The following ASIC2 variants were observed in gnomAD, a reference collection of about 807,000 sequenced individuals.
The protein encoded by ASIC2 is acid sensing ion channel subunit 2.
Under a neutral mutation model 57.3 loss-of-function variants are expected in ASIC2, and 25 were observed. The observed-to-expected ratio is 0.44, with a 90% CI of 0.32 to 0.61. The LOEUF is 0.61. ASIC2 is among the 20% of genes least tolerant of loss of function. ASIC2 has a pLI of 0.06. For synonymous variants in ASIC2, 319 were observed against 307.5 expected, an observed-to-expected ratio of 1.04 and a Z score of -0.39; for missense variants, 641 against 738.1, an observed-to-expected ratio of 0.87 and a Z score of 1.52.
intron 1 of ASIC2, among the ~76,000 whole-genome samples, chr17:34,100,511 C>T (rs73986861): frequency 0.017 from 2,622 of 152,206 alleles, 73 homozygotes; most frequent in African/African-American, 0.061. Flanking sequence ...TTATCCAGAG[C>T]AATTATCTTC....
At chr17:33,053,367 T>G (rs934663961) in intron 3 of ASIC2, among the ~76,000 whole-genome samples, 1 of 152,232 alleles carries the variant, frequency 6.6e-6, no homozygotes, top group Non-Finnish European at 1.5e-5. Flanking sequence ...GGATTCTTAA[T>G]TTTTAGACCT....
chr17:33,974,468 G>A (rs1289768718), intron 1 of ASIC2, among the ~76,000 whole-genome samples: 13 of 152,180 alleles, frequency 8.5e-5, no homozygotes, highest in East Asian at 7.7e-4. Context: ...TCCATCTGGC[G>A]GCATGCAGTC....
At chr17:33,441,920 A>G (rs1414885488) in intron 1 of ASIC2, among the ~76,000 whole-genome samples, 1 of 152,144 alleles carries the variant, frequency 6.6e-6, no homozygotes. Flanking sequence ...ATCTGTCCTT[A>G]TTTTGGGTGA....
intron 1 of ASIC2, among the ~76,000 whole-genome samples, chr17:33,432,247 G>A (rs755260634): frequency 6.6e-6 from 1 of 152,198 alleles, no homozygotes; most frequent in South Asian, 2.1e-4. Context: ...CAGGTGTGGC[G>A]GCTCATGCCC....
intron 1 of ASIC2, among the ~76,000 whole-genome samples, chr17:33,161,925 A>G (rs1169028035): frequency 7.7e-6 from 1 of 129,784 alleles, no homozygotes; most frequent in Non-Finnish European, 1.5e-5. Context: ...ACACTGCTTC[A>G]CCAGGGGAGA....
intron 2 of ASIC2, among the ~76,000 whole-genome samples, chr17:33,099,546 A>G (rs77277177): frequency 0.014 from 2,064 of 152,332 alleles, 9 homozygotes; most frequent in Non-Finnish European, 0.019. Context: ...CAAAATATGT[A>G]TTTGTGAAAG....
At chr17:33,786,519 T>C (rs914350240) in intron 1 of ASIC2, among the ~76,000 whole-genome samples, 2 of 152,236 alleles carry the variant, frequency 1.3e-5, no homozygotes, top group Non-Finnish European at 2.9e-5. Context: ...ACATTTTTAA[T>C]ACCCACCTAA....
intron 2 of ASIC2, among the ~76,000 whole-genome samples, chr17:33,090,659 C>A (rs1349721540): frequency 6.6e-6 from 1 of 151,936 alleles, no homozygotes; most frequent in Non-Finnish European, 1.5e-5. Context: ...GGTTTGGGGA[C>A]AAACTAAAGC....
chr17:33,563,693 G>T (rs1916145360), intron 1 of ASIC2, among the ~76,000 whole-genome samples: 1 of 152,184 alleles, frequency 6.6e-6, no homozygotes, highest in Non-Finnish European at 1.5e-5. Context: ...TAAAGAACCA[G>T]TGAGGGGCCA....
intron 1 of ASIC2, among the ~76,000 whole-genome samples, chr17:33,237,710 T>C (rs1908349292): frequency 6.6e-6 from 1 of 152,316 alleles, no homozygotes; most frequent in East Asian, 1.9e-4. Flanking sequence ...GCAATGTATC[T>C]ATGTGGCAGG....
chr17:33,168,059 G>A (rs531600248), intron 1 of ASIC2, among the ~76,000 whole-genome samples: 46 of 152,206 alleles, frequency 3.0e-4, no homozygotes, highest in Middle Eastern at 3.2e-3. Context: ...AGTGGGCTCT[G>A]GATAAAATGA....
At position 33,917,755 on chromosome 17, in the gene ASIC2, C is replaced by A. The variant is rs562365599; in HGVS notation, c.555+238223G>T. On this transcript the variant is annotated intron_variant, in intron 1 of 9. Coordinates refer to the ASIC2 transcript ENST00000359872. Reference sequence around the variant, plus strand: ...ATTATAGCACCTCCTCTGTGTCAGACACTGTGTTAGGCATTGTGAGGAAGA... The same window carrying A: ...ATTATAGCACCTCCTCTGTGTCAGAAACTGTGTTAGGCATTGTGAGGAAGA... 1.4e-4 allele frequency among the ~76,000 whole-genome samples: 22 copies of A among 152,246 alleles called. 1 individual carries two copies. The East Asian group carries it at 4.2e-3, about 29-fold the overall frequency.
intron 7 of ASIC2, among the ~76,000 whole-genome samples, chr17:33,019,824 AG>A (rs2091827555): frequency 6.6e-6 from 1 of 151,886 alleles, no homozygotes; most frequent in Non-Finnish European, 1.5e-5. Flanking sequence ...TCTCTGTGAA[AG>A]AGAGGGATCT....
chr17:34,039,749 C>T (rs1190789526), intron 1 of ASIC2: 6 of 1,612,096 alleles, frequency 3.7e-6, no homozygotes, highest in Non-Finnish European at 5.1e-6. Context: ...AAGGATCCGA[C>T]GCTGCACAAG....
intron 1 of ASIC2, among the ~76,000 whole-genome samples, chr17:33,925,203 A>G (rs1347068320): frequency 1.3e-5 from 2 of 152,194 alleles, no homozygotes; most frequent in Non-Finnish European, 2.9e-5. Context: ...AACCCTTCCA[A>G]TGCTCATTTC....
chr17:33,362,859 A>C (rs760422802), intron 1 of ASIC2, among the ~76,000 whole-genome samples: 23 of 152,244 alleles, frequency 1.5e-4, no homozygotes, highest in Non-Finnish European at 2.9e-4. Flanking sequence ...GGAGGCAGAC[A>C]TGGAGAAAAT....
At chr17:33,359,466 G>A (rs976938061) in intron 1 of ASIC2, among the ~76,000 whole-genome samples, 4 of 152,126 alleles carry the variant, frequency 2.6e-5, no homozygotes, top group Non-Finnish European at 5.9e-5. Context: ...TTGGTCAGGG[G>A]TTCATGGCCA....
chr17:33,873,654 C>T (rs573186202), intron 1 of ASIC2, among the ~76,000 whole-genome samples: 15 of 152,254 alleles, frequency 9.9e-5, no homozygotes, highest in Middle Eastern at 3.4e-3. Flanking sequence ...AAGATTAAAA[C>T]GGGGTAATAC....
chr17:33,345,295 T>G (rs2142241707), intron 1 of ASIC2, among the ~76,000 whole-genome samples: 1 of 152,366 alleles, frequency 6.6e-6, no homozygotes, highest in East Asian at 1.9e-4. Flanking sequence ...AAGTTCTTTC[T>G]GAGTGTCAGG....
Sources: gnomAD v4.1 joint callset for allele counts (sites outside exome capture counted in the v4.1 genomes callset) on GRCh38, gnomAD v4.1.1 for gene constraint, MANE v1.5 for transcripts, NCBI Gene and HGNC (gene_info 2026-07-23, HGNC 2026-07-21) for gene names.